The following SDK1 variants were observed in gnomAD, a reference collection of about 807,000 sequenced individuals.
SDK1 encodes protein sidekick-1.
A neutral mutation model predicts 245.5 loss-of-function variants in SDK1; 157 were observed. The observed-to-expected ratio is 0.64, with a 90% CI of 0.56 to 0.73. SDK1 has a LOEUF of 0.73. SDK1 is among the 30% of genes least tolerant of loss of function. The pLI, the probability that SDK1 is intolerant of heterozygous loss-of-function variation, is 0.00. For synonymous variants in SDK1, 1,647 were observed against 1,278.5 expected (o/e 1.29, Z -6.15); for missense variants, 3,583 against 3,002.3 (o/e 1.19, Z -4.52).
chr7:3,908,401 A>G (rs1470945799), intron 5 of SDK1, among the ~76,000 whole-genome samples: 1 of 152,182 alleles, frequency 6.6e-6, no homozygotes, highest in Admixed American at 6.5e-5. Flanking sequence ...TCGTGTCCCG[A>G]CAGCGTCGAC....
chr7:4,096,099 C>A (rs1782135207), intron 22 of SDK1, among the ~76,000 whole-genome samples: 1 of 152,212 alleles, frequency 6.6e-6, no homozygotes, highest in South Asian at 2.1e-4. Context: ...CATGTCTTCT[C>A]TGTGATTTGC....
chr7:4,038,495 G>A (rs141627078), intron 17 of SDK1, among the ~76,000 whole-genome samples: 44 of 152,296 alleles, frequency 2.9e-4, no homozygotes, highest in African/African-American at 1.1e-3. Context: ...TGCAGTGGAA[G>A]CTTGTTTGAT....
intron 1 of SDK1, among the ~76,000 whole-genome samples, chr7:3,338,989 C>A (rs560595739): frequency 5.3e-5 from 8 of 152,116 alleles, no homozygotes; most frequent in Admixed American, 6.6e-5. Flanking sequence ...TATAGATGAT[C>A]TGAATACACC....
chr7:3,828,696 G>C (rs13242583), intron 5 of SDK1, among the ~76,000 whole-genome samples: 16,501 of 137,652 alleles, frequency 0.12, 1,587 homozygotes, highest in African/African-American at 0.27. Flanking sequence ...CTGTCACATG[G>C]ACTGGAGTGC....
At chr7:3,327,988 T>G (rs1196490626) in intron 1 of SDK1, among the ~76,000 whole-genome samples, 1 of 152,140 alleles carries the variant, frequency 6.6e-6, no homozygotes, top group Non-Finnish European at 1.5e-5. Context: ...ATGATAGTGC[T>G]TTTCCTGTTT....
intron 5 of SDK1, among the ~76,000 whole-genome samples, chr7:3,941,444 T>C (rs1405647714): frequency 6.6e-6 from 1 of 152,022 alleles, no homozygotes; most frequent in Non-Finnish European, 1.5e-5. Context: ...TGGCCAGCTG[T>C]GGCCACGCCC....
At chr7:3,500,104 T>C (rs1055184795) in intron 1 of SDK1, among the ~76,000 whole-genome samples, 2 of 152,034 alleles carry the variant, frequency 1.3e-5, no homozygotes, top group African/African-American at 2.4e-5. Flanking sequence ...GAGTGGGGTT[T>C]AGGGGGGGTC....
chr7:3,630,446 T>C (rs1053458669), intron 2 of SDK1, among the ~76,000 whole-genome samples: 1 of 152,196 alleles, frequency 6.6e-6, no homozygotes, highest in African/African-American at 2.4e-5. Context: ...TTCTGTGTAC[T>C]AGCAAACAAA....
chr7:3,794,669 C>G (rs1430755883), intron 4 of SDK1, among the ~76,000 whole-genome samples: 1 of 152,170 alleles, frequency 6.6e-6, no homozygotes, highest in Admixed American at 6.5e-5. Context: ...AGCAAGAAGG[C>G]CCTCCCCAGA....
At chr7:3,808,222 G>A (rs1364126916) in intron 4 of SDK1, among the ~76,000 whole-genome samples, 13 of 152,330 alleles carry the variant, frequency 8.5e-5, no homozygotes, top group Non-Finnish European at 1.9e-4. Flanking sequence ...TGACGGCGAG[G>A]AGGGCAGAGC....
chr7:3,528,437 G>T (rs927502754), intron 1 of SDK1, among the ~76,000 whole-genome samples: 1 of 151,978 alleles, frequency 6.6e-6, no homozygotes, highest in African/African-American at 2.4e-5. Context: ...ATCCTAAGGT[G>T]TGAGAAAGTG....
At chr7:3,672,373 G>C (rs10262231) in intron 4 of SDK1, among the ~76,000 whole-genome samples, 112,106 of 151,256 alleles carry the variant, frequency 0.74, 42,698 homozygotes, top group African/African-American at 0.94. Flanking sequence ...GTTTCTTGCC[G>C]TTACTGGAGG....
chr7:4,085,830 C>T (rs1369062731), intron 22 of SDK1, among the ~76,000 whole-genome samples: 1 of 152,190 alleles, frequency 6.6e-6, no homozygotes, highest in Non-Finnish European at 1.5e-5. Context: ...GCTGGGATTA[C>T]AGGTGTGAGC....
intron 5 of SDK1, among the ~76,000 whole-genome samples, chr7:3,827,712 A>T (rs1235995294): frequency 3.3e-5 from 5 of 152,192 alleles, no homozygotes; most frequent in Non-Finnish European, 7.3e-5. Flanking sequence ...AGTGGAATAA[A>T]GTGTCACTTT....
chr7:3,533,947 T>C (rs536650838), intron 1 of SDK1, among the ~76,000 whole-genome samples: 8 of 152,344 alleles, frequency 5.3e-5, no homozygotes, highest in African/African-American at 1.9e-4. Context: ...TAGCAGATTT[T>C]TTAAGGTGTA....
intron 42 of SDK1, among the ~76,000 whole-genome samples, chr7:4,240,378 C>T (rs572216374): frequency 1.4e-4 from 21 of 152,282 alleles, no homozygotes; most frequent in African/African-American, 4.8e-4. Flanking sequence ...TTGTGATGGC[C>T]TCACTCGACA....
At chr7:3,761,625 G>A (rs549990129) in intron 4 of SDK1, among the ~76,000 whole-genome samples, 2 of 151,386 alleles carry the variant, frequency 1.3e-5, no homozygotes, top group Non-Finnish European at 2.9e-5. Flanking sequence ...AAAGAAATAG[G>A]AAGAAGCAAA....
intron 1 of SDK1, among the ~76,000 whole-genome samples, chr7:3,349,782 T>C: frequency 6.6e-6 from 1 of 152,056 alleles, no homozygotes; most frequent in East Asian, 1.9e-4. Context: ...TTTTGTATTT[T>C]TAGTAGAGAC....
intron 4 of SDK1, among the ~76,000 whole-genome samples, chr7:3,753,250 A>G (rs940653361): frequency 1.4e-4 from 21 of 152,222 alleles, no homozygotes; most frequent in African/African-American, 4.8e-4. Context: ...TCTTCATTTT[A>G]TGAACCTTAT....
Sources: allele counts gnomAD v4.1 joint callset (sites outside exome capture counted in the v4.1 genomes callset), GRCh38; gene constraint gnomAD v4.1.1; transcripts MANE v1.5; gene names NCBI Gene and HGNC (gene_info 2026-07-23, HGNC 2026-07-21).